MBNL2: variants seen among roughly 807,000 people sequenced by gnomAD.
MBNL2 encodes the protein muscleblind-like protein 2.
A neutral mutation model predicts 41.9 loss-of-function variants in MBNL2; 17 were observed. The ratio of observed to expected loss-of-function variants is 0.41; its 90% CI spans 0.28 to 0.61. MBNL2 has a LOEUF of 0.61. MBNL2 is among the 20% of genes least tolerant of loss of function. The probability of loss-of-function intolerance (pLI) is 0.35; values close to 1 mark genes in which losing one functional copy is unlikely to be tolerated. For synonymous variants in MBNL2, 195 were observed against 182.9 expected, an observed-to-expected ratio of 1.07 and a Z score of -0.53; for missense variants, 336 against 505.6, an observed-to-expected ratio of 0.66 and a Z score of 3.22.
At chr13:97,380,835 T>C (rs1346228835) in intron 8 of MBNL2, among the ~76,000 whole-genome samples, 1 of 152,130 alleles carries the variant, frequency 6.6e-6, no homozygotes. Context: ...ATTGGCTATT[T>C]TGGCACTTCC....
In MBNL2 at chr13:97,394,050, T is replaced by C. The variant is rs2066463899; in HGVS notation, c.*2601T>C. ...AGGAGTCTAATTTGTATCAATACTA[T>C]GTTTTGGTTGTAATATTCAGTTCAC... On this transcript the variant is annotated 3_prime_UTR_variant, in exon 9 of 9. Transcript: ENST00000679496. 6.6e-6 allele frequency: 1 copy of C among 152,616 alleles called. No individual in the cohort carries two copies. The highest frequency in any genetic ancestry group is 6.5e-5 in the Admixed American group (1 of 15,270). The allele number at this position is 152,616 out of a possible 1,614,324, so 9.5% of individuals were successfully genotyped here. A position where few individuals can be genotyped will look rare whatever the true frequency, so the allele number is the denominator to read the frequency against.
chr13:97,221,862 T>C (rs1209074545), upstream of MBNL2, among the ~76,000 whole-genome samples: 1 of 152,250 alleles, frequency 6.6e-6, no homozygotes, highest in Non-Finnish European at 1.5e-5. Flanking sequence ...AATGGAAATA[T>C]GTAAATGTTT....
the MBNL2 span, among the ~76,000 whole-genome samples, chr13:97,211,647 G>T: frequency 6.6e-6 from 1 of 152,132 alleles, no homozygotes; most frequent in Non-Finnish European, 1.5e-5. Flanking sequence ...CTGTTGCTAA[G>T]GTGAGCCTGT....
chr13:97,301,909 C>T (rs781491875), intron 2 of MBNL2, among the ~76,000 whole-genome samples: 8 of 152,186 alleles, frequency 5.3e-5, no homozygotes, highest in Non-Finnish European at 7.3e-5. Flanking sequence ...TGGTCCTTGA[C>T]CTACATAGTC....
intron 8 of MBNL2, among the ~76,000 whole-genome samples, chr13:97,388,921 C>T (rs912502066): frequency 6.6e-6 from 1 of 152,142 alleles, no homozygotes; most frequent in Non-Finnish European, 1.5e-5. Flanking sequence ...TCTGTTGAAC[C>T]TCTTGAAGTT....
intron 2 of MBNL2, among the ~76,000 whole-genome samples, chr13:97,319,275 G>C (rs1256363813): frequency 6.6e-6 from 1 of 152,196 alleles, no homozygotes; most frequent in Non-Finnish European, 1.5e-5. Flanking sequence ...CTAGGGCCAT[G>C]AGTCAGCATC....
At chr13:97,169,718 C>T in the MBNL2 span, among the ~76,000 whole-genome samples, 1 of 152,314 alleles carries the variant, frequency 6.6e-6, no homozygotes, top group South Asian at 2.1e-4. Context: ...CTCTTGCAGC[C>T]TGCCCTTCCA....
At chr13:97,230,285 T>C (rs947743347) in intron 1 of MBNL2, among the ~76,000 whole-genome samples, 2 of 152,130 alleles carry the variant, frequency 1.3e-5, no homozygotes, top group Non-Finnish European at 1.5e-5. Flanking sequence ...AGGAGTGATA[T>C]CAATGGTACC....
chr13:97,185,907 T>A, the MBNL2 span, among the ~76,000 whole-genome samples: 1 of 152,210 alleles, frequency 6.6e-6, no homozygotes, highest in Non-Finnish European at 1.5e-5. Context: ...CTCTGGTGGC[T>A]CCTCCTTCCT....
chr13:97,357,762 T>C (rs1453151926), intron 7 of MBNL2, 127 bp downstream of exon 7: 1 of 910,852 alleles, frequency 1.1e-6, no homozygotes, highest in Non-Finnish European at 1.8e-6. Context: ...TTCATCGTTG[T>C]CCTAGCTATC....
chr13:97,278,061 C>A (rs1455849700), intron 2 of MBNL2, among the ~76,000 whole-genome samples: 1 of 151,738 alleles, frequency 6.6e-6, no homozygotes, highest in African/African-American at 2.4e-5. Flanking sequence ...TGAGACCAGC[C>A]TGGCCAGCAT....
the MBNL2 span, among the ~76,000 whole-genome samples, chr13:97,173,532 A>G: frequency 6.6e-6 from 1 of 152,200 alleles, no homozygotes; most frequent in Non-Finnish European, 1.5e-5. Flanking sequence ...GGTTCAGGCC[A>G]TCATTTCCAC....
chr13:97,291,785 C>T (rs1420742436), intron 2 of MBNL2, among the ~76,000 whole-genome samples: 1 of 151,274 alleles, frequency 6.6e-6, no homozygotes, highest in Non-Finnish European at 1.5e-5. Context: ...ATCCCAGCTA[C>T]TCAGGAGGCT....
At chr13:97,355,610 T>G (rs538143565) in intron 5 of MBNL2, among the ~76,000 whole-genome samples, 24 of 142,658 alleles carry the variant, frequency 1.7e-4, no homozygotes, top group East Asian at 5.9e-4. Context: ...GAATTTTTAG[T>G]TTTTTTTTTA....
At chr13:97,342,344 T>G (rs1268589730) in intron 3 of MBNL2, among the ~76,000 whole-genome samples, 1 of 152,224 alleles carries the variant, frequency 6.6e-6, no homozygotes, top group African/African-American at 2.4e-5. Flanking sequence ...CCAAACCAAC[T>G]TTTAATGGCC....
At chr13:97,364,752 T>TA (rs2063717049) in intron 7 of MBNL2, among the ~76,000 whole-genome samples, 1 of 152,214 alleles carries the variant, frequency 6.6e-6, no homozygotes, top group Non-Finnish European at 1.5e-5. Flanking sequence ...TTGGAGGAGT[T>TA]ACTATGCCTC....
At chr13:97,199,863 G>A in the MBNL2 span, among the ~76,000 whole-genome samples, 2 of 152,212 alleles carry the variant, frequency 1.3e-5, no homozygotes, top group East Asian at 1.9e-4. Context: ...TGCTTTGTAT[G>A]ATAAAACCTA....
chr13:97,314,405 A>G (rs2058860493), intron 2 of MBNL2, among the ~76,000 whole-genome samples: 1 of 152,124 alleles, frequency 6.6e-6, no homozygotes, highest in Non-Finnish European at 1.5e-5. Flanking sequence ...CCATCATCAT[A>G]TTCACTACAT....
chr13:97,164,415 C>T, the MBNL2 span, among the ~76,000 whole-genome samples: 2 of 152,170 alleles, frequency 1.3e-5, no homozygotes, highest in East Asian at 3.8e-4. Context: ...TCTCTTAGTG[C>T]AATGCCTGGT....
Sources: gnomAD v4.1 joint callset for allele counts (sites outside exome capture counted in the v4.1 genomes callset) on GRCh38, gnomAD v4.1.1 for gene constraint, MANE v1.5 for transcripts, NCBI Gene and HGNC (gene_info 2026-07-23, HGNC 2026-07-21) for gene names.